The following PSMA1 variants were observed in gnomAD, a reference collection of about 807,000 sequenced individuals.
The protein encoded by PSMA1 is proteasome 20S subunit alpha 1.
A neutral mutation model predicts 38.4 loss-of-function variants in PSMA1; 3 were observed. The observed-to-expected ratio is 0.08, with a 90% CI of 0.04 to 0.20. PSMA1 has a LOEUF of 0.20. PSMA1 is among the 10% of genes least tolerant of loss of function. The probability of loss-of-function intolerance (pLI) is 1.00; values close to 1 mark genes in which losing one functional copy is unlikely to be tolerated. For synonymous variants in PSMA1, 101 were observed against 107.1 expected (o/e 0.94, Z 0.35); for missense variants, 227 against 325.3 (o/e 0.70, Z 2.32).
At chr11:14,524,972 C>T (rs909768913), upstream of PSMA1, among the ~76,000 whole-genome samples, 3 of 152,116 alleles carry the variant, frequency 2.0e-5, no homozygotes, top group African/African-American at 4.8e-5. Flanking sequence ...CCAATCTTCT[C>T]GGAAGCCTCC....
intron 2 of PSMA1, among the ~76,000 whole-genome samples, chr11:14,547,768 C>T (rs1305009820): frequency 6.6e-6 from 1 of 152,140 alleles, no homozygotes; most frequent in East Asian, 1.9e-4. Context: ...TGGAGCTCTC[C>T]AGGGATCGAT....
chr11:14,632,602 T>G (rs1249090396), intron 1 of PSMA1, among the ~76,000 whole-genome samples: 1 of 151,486 alleles, frequency 6.6e-6, no homozygotes, highest in Non-Finnish European at 1.5e-5. Context: ...CCTTAACATT[T>G]TTTCCTTCAT....
intron 2 of PSMA1, among the ~76,000 whole-genome samples, chr11:14,602,083 GTCCTAGC>G (rs1852587280): frequency 6.6e-6 from 1 of 152,136 alleles, no homozygotes; most frequent in Admixed American, 6.5e-5. Flanking sequence ...GCATAAGTGG[GTCCTAGC>G]TCCGGCTCAG....
At chr11:14,524,600 T>C (rs1250664806), upstream of PSMA1, among the ~76,000 whole-genome samples, 2 of 152,194 alleles carry the variant, frequency 1.3e-5, no homozygotes, top group African/African-American at 4.8e-5. Context: ...GACTCTCTTT[T>C]TGGACTCAGC....
At chr11:14,626,584 A>T (rs566518401) in intron 1 of PSMA1, among the ~76,000 whole-genome samples, 1 of 152,200 alleles carries the variant, frequency 6.6e-6, no homozygotes, top group African/African-American at 2.4e-5. Context: ...AAAAATCAGC[A>T]TAAGATTTGG....
At chr11:14,564,416 T>C (rs1226518349) in intron 2 of PSMA1, among the ~76,000 whole-genome samples, 1 of 152,228 alleles carries the variant, frequency 6.6e-6, no homozygotes, top group Non-Finnish European at 1.5e-5. Flanking sequence ...ACAATATAGA[T>C]GTACTCAATT....
At chr11:14,582,398 A>G (rs1000048182) in intron 2 of PSMA1, among the ~76,000 whole-genome samples, 122 of 152,270 alleles carry the variant, frequency 8.0e-4, no homozygotes, top group African/African-American at 2.7e-3. Flanking sequence ...AAGGCTTCTG[A>G]AGCTTAAGCT....
At chr11:14,631,697 A>C (rs971046998) in intron 1 of PSMA1, among the ~76,000 whole-genome samples, 2 of 152,108 alleles carry the variant, frequency 1.3e-5, no homozygotes, top group African/African-American at 2.4e-5. Context: ...TGGTGCAGAG[A>C]TGAGTTCAAT....
At chr11:14,546,418 G>C (rs932698179) in intron 2 of PSMA1, among the ~76,000 whole-genome samples, 10 of 152,114 alleles carry the variant, frequency 6.6e-5, no homozygotes, top group Middle Eastern at 3.4e-3. Context: ...AATAATTGTT[G>C]TTTAGAGCTC....
intron 2 of PSMA1, among the ~76,000 whole-genome samples, chr11:14,532,882 ACT>A (rs1264881787): frequency 1.6e-4 from 24 of 151,870 alleles, no homozygotes; most frequent in African/African-American, 5.6e-4. Flanking sequence ...ACAGAGCAAG[ACT>A]CTGTCTCAAA....
At chr11:14,598,495 A>G (rs1852532350) in intron 2 of PSMA1, among the ~76,000 whole-genome samples, 1 of 151,742 alleles carries the variant, frequency 6.6e-6, no homozygotes, top group South Asian at 2.1e-4. Flanking sequence ...CTTTACCATT[A>G]TTTAATGGCC....
chr11:14,510,792 C>T (rs2597218), intron 8 of PSMA1, 80 bp downstream of exon 8: 651,185 of 939,048 alleles, frequency 0.69, 227,447 homozygotes, highest in African/African-American at 0.84. Context: ...CAGAATGTTG[C>T]ATATATACTC....
chr11:14,628,262 AC>A (rs1355219862), intron 1 of PSMA1, among the ~76,000 whole-genome samples: 1 of 145,574 alleles, frequency 6.9e-6, no homozygotes, highest in Non-Finnish European at 1.5e-5. Flanking sequence ...GGTGCGCTGC[AC>A]CCACTAACTT....
intron 1 of PSMA1, among the ~76,000 whole-genome samples, chr11:14,626,714 A>G (rs1852916434): frequency 6.6e-6 from 1 of 152,226 alleles, no homozygotes; most frequent in African/African-American, 2.4e-5. Context: ...AGAGCACGTG[A>G]AAAGGCTTTG....
At chr11:14,578,419 T>C (rs927363096) in intron 2 of PSMA1, among the ~76,000 whole-genome samples, 1 of 152,134 alleles carries the variant, frequency 6.6e-6, no homozygotes, top group African/African-American at 2.4e-5. Flanking sequence ...CAAGAAAGGA[T>C]GGACAAATTT....
chr11:14,537,546 GTT>G (rs199568590), intron 2 of PSMA1, among the ~76,000 whole-genome samples: 1 of 134,314 alleles, frequency 7.4e-6, no homozygotes. Context: ...TCCCTGCAGG[GTT>G]TTTTTTTTTT....
chr11:14,579,337 G>A (rs760100761), intron 2 of PSMA1, among the ~76,000 whole-genome samples: 1 of 152,016 alleles, frequency 6.6e-6, no homozygotes, highest in Non-Finnish European at 1.5e-5. Flanking sequence ...GCTACGTAAC[G>A]GCGATCTCTA....
At chr11:14,593,661 A>AGAGC (rs1214268184) in intron 2 of PSMA1, among the ~76,000 whole-genome samples, 48 of 131,652 alleles carry the variant, frequency 3.6e-4, no homozygotes, top group East Asian at 8.9e-4. Context: ...AGAGAGAGAG[A>AGAGC]GCGCCAGCCC....
intron 2 of PSMA1, among the ~76,000 whole-genome samples, chr11:14,563,106 T>A (rs575369753): frequency 1.1e-4 from 17 of 152,344 alleles, no homozygotes; most frequent in African/African-American, 3.8e-4. Context: ...GACATTAAAG[T>A]ATTTAATGGG....
Sources: gnomAD v4.1 joint callset for allele counts (sites outside exome capture counted in the v4.1 genomes callset) on GRCh38, gnomAD v4.1.1 for gene constraint, MANE v1.5 for transcripts, NCBI Gene and HGNC (gene_info 2026-07-23, HGNC 2026-07-21) for gene names.